Variants in TSPAN18 observed in about 807,000 individuals in gnomAD.
TSPAN18 encodes tetraspanin-18.
TSPAN18 carries 14 observed loss-of-function variants against 27.3 expected under a neutral mutation model. The observed-to-expected ratio is 0.51, with a 90% CI of 0.34 to 0.80. The LOEUF (loss-of-function observed/expected upper bound fraction) is 0.80, where lower values mean the gene tolerates loss of function less well. Ranked by LOEUF, TSPAN18 falls within the 30% of genes least tolerant of loss-of-function variation. The pLI is 0.01. For missense variants in TSPAN18, 268 were observed against 323.9 expected, an observed-to-expected ratio of 0.83 and a Z score of 1.32; for synonymous variants, 143 against 136.5, an observed-to-expected ratio of 1.05 and a Z score of -0.33.
chr11:44,778,710 G>T (rs1033675815), intron 2 of TSPAN18, among the ~76,000 whole-genome samples: 9 of 152,150 alleles, frequency 5.9e-5, no homozygotes, highest in African/African-American at 2.2e-4. Flanking sequence ...ACTTACTCTG[G>T]CTGGTGCCAG....
intron 2 of TSPAN18, among the ~76,000 whole-genome samples, chr11:44,775,373 A>T (rs1855781636): frequency 1.3e-5 from 2 of 152,176 alleles, no homozygotes; most frequent in African/African-American, 4.8e-5. Flanking sequence ...TTACTTAATA[A>T]TAGGGAGAAC....
At chr11:44,751,917 AC>A (rs1855219104) in intron 1 of TSPAN18, among the ~76,000 whole-genome samples, 2 of 150,240 alleles carry the variant, frequency 1.3e-5, no homozygotes, top group Admixed American at 1.3e-4. Context: ...ACAGAGCAGG[AC>A]TCCATCTCAA....
Position 44,869,431 on chromosome 11 carries a change from C to T in TSPAN18, c.-11+8962C>T, listed in dbSNP as rs541420095. 3.9e-5 allele frequency among the ~76,000 whole-genome samples: 6 copies of T among 152,320 alleles called. 1 individual carries two copies. The South Asian group carries it at 1.2e-3, about 32-fold the overall frequency. On this transcript the variant is annotated intron_variant, in intron 3 of 9. Transcript: ENST00000520358. ...GTTTGGTAAATACCCACTTCTCACT[C>T]GTGGAGAGGTTAAAACCAGTTAACT...
chr11:44,856,542 C>G (rs1317765426), intron 2 of TSPAN18, among the ~76,000 whole-genome samples: 1 of 152,156 alleles, frequency 6.6e-6, no homozygotes, highest in Non-Finnish European at 1.5e-5. Context: ...ATGAGGAACC[C>G]CTCCTTAGCC....
intron 8 of TSPAN18, among the ~76,000 whole-genome samples, chr11:44,923,537 A>G (rs1031346009): frequency 1.3e-5 from 2 of 152,170 alleles, no homozygotes; most frequent in African/African-American, 2.4e-5. Context: ...GGCCTGGCCC[A>G]TAGGAGGGAG....
At chr11:44,759,369 C>G (rs1445789478) in intron 1 of TSPAN18, among the ~76,000 whole-genome samples, 1 of 152,172 alleles carries the variant, frequency 6.6e-6, no homozygotes. Context: ...GACGTGGTCT[C>G]TCCTCAGACC....
At position 44,823,458 on chromosome 11, in the gene TSPAN18, G is replaced by GCCAA. The variant is rs1856970916; in HGVS notation, c.-152-36870_-152-36869insCCAA. On this transcript the variant is annotated intron_variant, in intron 2 of 9. Transcript: ENST00000520358. ...CCAGGGCTTTTTATGGACTCACAATGGTGAGTGCATGCCAATTGATTTAGG... is the reference window on the plus strand; with the variant it reads ...CCAGGGCTTTTTATGGACTCACAATGCCAAGTGAGTGCATGCCAATTGATTTAGG... 2.0e-5 allele frequency among the ~76,000 whole-genome samples: 3 copies of GCCAA among 151,996 alleles called. No individual in the cohort carries two copies. In the East Asian group the frequency reaches 5.8e-4, roughly 29 times the overall value.
At chr11:44,898,586 A>C (rs773405852) in intron 3 of TSPAN18, among the ~76,000 whole-genome samples, 2 of 152,258 alleles carry the variant, frequency 1.3e-5, no homozygotes, top group Non-Finnish European at 2.9e-5. Context: ...GGGAAGCCCA[A>C]GGTCAAGCAG....
At chr11:44,789,470 C>G (rs997559622) in intron 2 of TSPAN18, among the ~76,000 whole-genome samples, 1 of 152,090 alleles carries the variant, frequency 6.6e-6, no homozygotes, top group African/African-American at 2.4e-5. Flanking sequence ...TCTCTGAGCC[C>G]CAGTTTCCAC....
chr11:44,928,986 G>T, intron 9 of TSPAN18, 145 bp from the exon 10 acceptor site: 1 of 1,028,814 alleles, frequency 9.7e-7, no homozygotes, highest in Non-Finnish European at 1.5e-6. Flanking sequence ...GAGAAGGGCT[G>T]GCCCCAGGGG....
At chr11:44,885,680 A>G (rs1401649495) in intron 3 of TSPAN18, among the ~76,000 whole-genome samples, 1 of 152,102 alleles carries the variant, frequency 6.6e-6, no homozygotes, top group Non-Finnish European at 1.5e-5. Context: ...CCTCCTGTCC[A>G]TCTACTGAGG....
At chr11:44,820,721 G>A (rs1268872823) in intron 2 of TSPAN18, among the ~76,000 whole-genome samples, 1 of 152,090 alleles carries the variant, frequency 6.6e-6, no homozygotes. Context: ...TGGTGGAGTG[G>A]AAGGTGTTTG....
At chr11:44,817,790 G>A (rs1388273928) in intron 2 of TSPAN18, among the ~76,000 whole-genome samples, 2 of 152,250 alleles carry the variant, frequency 1.3e-5, no homozygotes, top group Non-Finnish European at 2.9e-5. Context: ...GAAGGGCTTT[G>A]ATACAATACA....
At chr11:44,844,778 GT>G (rs1249009159) in intron 2 of TSPAN18, among the ~76,000 whole-genome samples, 1 of 152,120 alleles carries the variant, frequency 6.6e-6, no homozygotes, top group Non-Finnish European at 1.5e-5. Context: ...CCCAGTCTGT[GT>G]TTTGCTTTCT....
At position 44,773,008 on chromosome 11, in the gene TSPAN18, T is replaced by C. The variant is rs1386441716; in HGVS notation, c.-153+8496T>C. Among the ~76,000 whole-genome samples the C allele has an allele frequency of 2.0e-5, 3 of 152,190 alleles. No individual in the cohort carries two copies. In the East Asian group the frequency reaches 5.8e-4, roughly 29 times the overall value. Reference sequence around the variant, plus strand: ...GAACAGGTATCACAGGATCCACACATGTTGGCTTCTGACTGAATAAGTAGG... The same window carrying C: ...GAACAGGTATCACAGGATCCACACACGTTGGCTTCTGACTGAATAAGTAGG... On this transcript the variant is annotated intron_variant, in intron 2 of 9. Coordinates refer to ENST00000520358, the MANE Select transcript of TSPAN18 (RefSeq NM_130783.5).
intron 3 of TSPAN18, among the ~76,000 whole-genome samples, chr11:44,861,268 A>C (rs1308636151): frequency 1.3e-5 from 2 of 151,746 alleles, no homozygotes; most frequent in Non-Finnish European, 2.9e-5. Context: ...AAAATCCCAA[A>C]GTCAAGGCTT....
intron 2 of TSPAN18, among the ~76,000 whole-genome samples, chr11:44,829,477 A>T (rs976927654): frequency 6.6e-6 from 1 of 152,218 alleles, no homozygotes; most frequent in African/African-American, 2.4e-5. Context: ...ACTAAGCAAT[A>T]TGCATTTAAG....
intron 2 of TSPAN18, among the ~76,000 whole-genome samples, chr11:44,816,567 C>A (rs1856822483): frequency 1.3e-5 from 2 of 151,998 alleles, no homozygotes; most frequent in Admixed American, 1.3e-4. Context: ...CTCCTCTCTC[C>A]ATACATGGGG....
rs115041267 is a variant in TSPAN18 at position 44,741,741 on chromosome 11, C to T, written c.-240+14454C>T. Among the ~76,000 whole-genome samples the T allele has an allele frequency of 3.8e-3, 585 of 152,272 alleles. 5 individuals carry two copies. Among genetic ancestry groups the T allele is most frequent in the African/African-American group, 0.014 (564 of 41,556 alleles). On this transcript the variant is annotated intron_variant, in intron 1 of 9. Coordinates refer to ENST00000520358, the MANE Select transcript of TSPAN18 (RefSeq NM_130783.5). ...AAATCCTGGGTCGGTCCCTACCAGC[C>T]ACATGACCTTTGGCAAGTTATTTAT... is the stretch of plus-strand genomic sequence containing the variant.
Sources: gnomAD v4.1 joint callset for allele counts (sites outside exome capture counted in the v4.1 genomes callset) on GRCh38, gnomAD v4.1.1 for gene constraint, MANE v1.5 for transcripts, NCBI Gene and HGNC (gene_info 2026-07-23, HGNC 2026-07-21) for gene names.